Variants in ANKRD11 observed in about 807,000 individuals in gnomAD.
ANKRD11 encodes the protein ankyrin repeat domain-containing protein 11.
ANKRD11 carries 17 observed loss-of-function variants against 195.7 expected under a neutral mutation model. The ratio of observed to expected loss-of-function variants is 0.09; its 90% CI spans 0.06 to 0.13. The LOEUF (loss-of-function observed/expected upper bound fraction) is 0.13. ANKRD11 is among the 10% of genes least tolerant of loss of function. ANKRD11 has a pLI of 1.00. For synonymous variants in ANKRD11, 1,953 were observed against 1,528.1 expected (o/e 1.28, Z -6.49); for missense variants, 3,735 against 3,566.1 (o/e 1.05, Z -1.21).
At chr16:89,488,634 A>G (rs773357453) in intron 1 of ANKRD11, among the ~76,000 whole-genome samples, 3 of 152,312 alleles carry the variant, frequency 2.0e-5, no homozygotes, top group Admixed American at 1.3e-4. Context: ...CTAGGTCTGC[A>G]CACAACAAAA....
rs766038361 is a variant in ANKRD11, at chr16:89,280,680, G to A, written c.5862C>T (p.Ser1954=). The A allele has an allele frequency of 9.9e-6, 16 of 1,613,294 alleles. No homozygotes were observed. The highest frequency in any genetic ancestry group is 9.3e-5 in the African/African-American group (7 of 74,942). The change falls in exon 9 of 13, where the codon TCC becomes TCT. Residue 1954 remains serine (S), a synonymous_variant. Coordinates refer to ENST00000301030, the MANE Select transcript of ANKRD11 (RefSeq NM_013275.6). ...TEEPVEWAHP[S]EQALASSLIG... ...TCAGGCTAGAGGCAAGCGCCTGCTC[G>A]GAGGGGTGGGCCCACTCAACGGGCT...
intron 2 of ANKRD11, among the ~76,000 whole-genome samples, chr16:89,399,523 G>A (rs1351256166): frequency 6.6e-6 from 1 of 152,190 alleles, no homozygotes; most frequent in African/African-American, 2.4e-5. Flanking sequence ...ACGGAGGGAT[G>A]TGCAGCAGGA....
At chr16:89,434,444 A>C (rs1185118579) in intron 1 of ANKRD11, among the ~76,000 whole-genome samples, 2 of 152,202 alleles carry the variant, frequency 1.3e-5, no homozygotes, top group Non-Finnish European at 2.9e-5. Context: ...AAAGCCATAA[A>C]AATGAGAGAA....
chr16:89,359,561 T>G (rs1479642215), intron 2 of ANKRD11, among the ~76,000 whole-genome samples: 1 of 152,226 alleles, frequency 6.6e-6, no homozygotes, highest in Non-Finnish European at 1.5e-5. Context: ...TTCTTCAGGC[T>G]AATCCCACAC....
intron 1 of ANKRD11, among the ~76,000 whole-genome samples, chr16:89,489,996 A>G: frequency 9.0e-5 from 3 of 33,434 alleles, no homozygotes; most frequent in South Asian, 1.0e-3. Context: ...CCTCACGGCC[A>G]CCCCGGGCCC....
chr16:89,468,024 G>C (rs1409485806), intron 1 of ANKRD11, among the ~76,000 whole-genome samples: 1 of 152,086 alleles, frequency 6.6e-6, no homozygotes, highest in Non-Finnish European at 1.5e-5. Context: ...GGCTGGTCTT[G>C]AACTCCTGGC....
chr16:89,308,760 T>C (rs2036442672), intron 3 of ANKRD11, among the ~76,000 whole-genome samples: 1 of 152,082 alleles, frequency 6.6e-6, no homozygotes, highest in Admixed American at 6.5e-5. Context: ...AAATGAACAA[T>C]TCTAGAATAC....
At chr16:89,274,993 A>G in intron 10 of ANKRD11, 36 bp from the exon 11 acceptor site, 1 of 1,612,670 alleles carries the variant, frequency 6.2e-7, no homozygotes, top group South Asian at 1.1e-5. Flanking sequence ...GCTGGGACAC[A>G]GCCACGCTCC....
At chr16:89,318,197 T>C (rs1044986347) in intron 2 of ANKRD11, among the ~76,000 whole-genome samples, 5 of 152,182 alleles carry the variant, frequency 3.3e-5, no homozygotes, top group African/African-American at 1.2e-4. Flanking sequence ...TCTGTGGCGA[T>C]GCCAACTTCC....
At chr16:89,368,379 T>G (rs1021279394) in intron 2 of ANKRD11, among the ~76,000 whole-genome samples, 13 of 130,096 alleles carry the variant, frequency 1.0e-4, no homozygotes, top group Admixed American at 3.8e-4. Context: ...GTGTTTTTTT[T>G]TTTTTTTTTT....
intron 1 of ANKRD11, chr16:89,459,145 C>G (rs1283886574): frequency 5.4e-6 from 1 of 185,972 alleles, no homozygotes; most frequent in South Asian, 1.1e-4. Context: ...TCTAAGAAAT[C>G]AAGACAACCT....
intron 1 of ANKRD11, among the ~76,000 whole-genome samples, chr16:89,440,488 C>T (rs555913593): frequency 6.6e-6 from 1 of 152,216 alleles, no homozygotes; most frequent in East Asian, 1.9e-4. Context: ...TGGAGGTGTG[C>T]ACCTGTAGTC....
chr16:89,480,396 G>A (rs2057405882), intron 1 of ANKRD11, among the ~76,000 whole-genome samples: 1 of 151,082 alleles, frequency 6.6e-6, no homozygotes, highest in African/African-American at 2.4e-5. Context: ...AGAATCGCGT[G>A]AACCCAGGAG....
At chr16:89,308,094 G>C (rs536936884) in intron 3 of ANKRD11, among the ~76,000 whole-genome samples, 3 of 152,148 alleles carry the variant, frequency 2.0e-5, no homozygotes, top group African/African-American at 7.2e-5. Flanking sequence ...AACATGTGAA[G>C]AGGCCACCAT....
intron 2 of ANKRD11, among the ~76,000 whole-genome samples, chr16:89,326,081 T>C (rs2037700614): frequency 6.6e-6 from 1 of 152,206 alleles, no homozygotes; most frequent in Non-Finnish European, 1.5e-5. Flanking sequence ...AAAATGCTTC[T>C]TTTACACAGA....
At chr16:89,313,902 A>C (rs947830324) in intron 3 of ANKRD11, among the ~76,000 whole-genome samples, 8 of 152,234 alleles carry the variant, frequency 5.3e-5, no homozygotes, top group Non-Finnish European at 1.0e-4. Flanking sequence ...CATGAGGAAA[A>C]TGCCTGGCTT....
chr16:89,281,151 C>A lies in ANKRD11; in HGVS notation c.5391G>T (p.Arg1797Ser). 1 of 1,613,900 alleles carries A rather than the reference C, an allele frequency of 6.2e-7. No individual in the cohort carries two copies. The highest frequency in any genetic ancestry group is 1.1e-5 in the South Asian group (1 of 91,082). Residue 1797 changes from arginine to serine, a missense_variant, in exon 9 of 13, where the codon AGG (arginine) becomes AGT (serine). Arg to Ser is a moderately radical substitution (Grantham distance 110). Transcript: ENST00000301030. The surrounding 1 kb of genome is among the most constrained non-coding windows in gnomAD (Gnocchi z 5.5). ...CGACGCTGAATTCTTCCTCGGGGGT[C>A]CTCCTAATGTCGACAGAGACCGAGC... ...LYRSVSVDIR[R>S]TPEEEFSVGD...
At chr16:89,488,348 G>C (rs1342522946) in intron 1 of ANKRD11, among the ~76,000 whole-genome samples, 5 of 151,960 alleles carry the variant, frequency 3.3e-5, no homozygotes, top group Admixed American at 6.6e-5. Flanking sequence ...TACAGAAAGA[G>C]GAGAACAACA....
At chr16:89,441,793 A>AAAAAAAAC (rs1555581853) in intron 1 of ANKRD11, among the ~76,000 whole-genome samples, 1 of 141,846 alleles carries the variant, frequency 7.0e-6, no homozygotes, top group Non-Finnish European at 1.5e-5. Flanking sequence ...AAAAAAAAAA[A>AAAAAAAAC]CGCAAACCTG....
Sources: gnomAD v4.1 joint callset for allele counts (sites outside exome capture counted in the v4.1 genomes callset) on GRCh38, gnomAD v4.1.1 for gene constraint, Gnocchi (gnomAD v3.1) non-coding constraint, MANE v1.5 for transcripts, NCBI Gene and HGNC (gene_info 2026-07-23, HGNC 2026-07-21) for gene names.